The following TMEM132C variants were observed in gnomAD, a reference collection of about 807,000 sequenced individuals.
The protein encoded by TMEM132C is protein phosphatase 1, regulatory subunit 152.
A neutral mutation model predicts 61.4 loss-of-function variants in TMEM132C; 29 were observed. The observed-to-expected ratio is 0.47, with a 90% CI of 0.35 to 0.64. The LOEUF (loss-of-function observed/expected upper bound fraction) is 0.64, where lower values mean the gene tolerates loss of function less well. Among genes scored for constraint, TMEM132C ranks in the 30% least tolerant of loss-of-function variants. The pLI is 0.00. For missense variants in TMEM132C, 1,408 were observed against 1,476.9 expected, an observed-to-expected ratio of 0.95 and a Z score of 0.76; for synonymous variants, 656 against 633.1, an observed-to-expected ratio of 1.04 and a Z score of -0.54.
At chr12:128,361,711 C>T (rs1425223415) in intron 1 of TMEM132C, among the ~76,000 whole-genome samples, 3 of 151,520 alleles carry the variant, frequency 2.0e-5, no homozygotes, top group African/African-American at 7.3e-5. Flanking sequence ...GAGATGGAGA[C>T]CATGTGCTTT....
intron 2 of TMEM132C, among the ~76,000 whole-genome samples, chr12:128,542,083 C>T (rs981533461): frequency 1.3e-5 from 2 of 152,166 alleles, no homozygotes; most frequent in African/African-American, 4.8e-5. Flanking sequence ...TTTCAGTCCT[C>T]ATTCACTCCG....
chr12:128,566,735 G>A (rs541665581), intron 3 of TMEM132C, among the ~76,000 whole-genome samples: 37 of 152,314 alleles, frequency 2.4e-4, no homozygotes, highest in South Asian at 6.2e-4. Flanking sequence ...CACGTAGTTC[G>A]TACTGTATGG....
At chr12:128,339,616 G>A (rs1872893555) in intron 1 of TMEM132C, among the ~76,000 whole-genome samples, 2 of 151,294 alleles carry the variant, frequency 1.3e-5, no homozygotes, top group Admixed American at 6.6e-5. Context: ...CGTTGAGGGG[G>A]TCTTCATCTC....
At chr12:128,427,247 A>T (rs1349167123) in intron 2 of TMEM132C, among the ~76,000 whole-genome samples, 2 of 152,136 alleles carry the variant, frequency 1.3e-5, no homozygotes, top group Non-Finnish European at 2.9e-5. Context: ...CCTATTTCAA[A>T]AGCATTTTGA....
chr12:128,470,890 G>A (rs368782935), intron 2 of TMEM132C, among the ~76,000 whole-genome samples: 2 of 152,248 alleles, frequency 1.3e-5, no homozygotes, highest in East Asian at 3.9e-4. Flanking sequence ...CACATAATCG[G>A]CAGGCTGCTT....
intron 2 of TMEM132C, among the ~76,000 whole-genome samples, chr12:128,493,409 G>C (rs575854859): frequency 2.6e-5 from 4 of 152,112 alleles, no homozygotes; most frequent in African/African-American, 9.7e-5. Context: ...AGCTTGATGG[G>C]GATGGCATTG....
chr12:128,328,018 C>T (rs150738418), intron 1 of TMEM132C, among the ~76,000 whole-genome samples: 218 of 152,216 alleles, frequency 1.4e-3, no homozygotes, highest in African/African-American at 4.6e-3. Context: ...CTTGACCCCC[C>T]ACTTCCCGTT....
intron 2 of TMEM132C, among the ~76,000 whole-genome samples, chr12:128,439,801 A>C (rs1869721820): frequency 6.6e-6 from 1 of 152,104 alleles, no homozygotes; most frequent in Non-Finnish European, 1.5e-5. Flanking sequence ...CCCTACAGTA[A>C]GGGAAAGGCA....
At position 128,415,545 on chromosome 12, in the gene TMEM132C, C is replaced by A. The variant is rs943865302; in HGVS notation, c.899C>A (p.Pro300Gln). ...GTGGTCATCTGGCTGCCTTCCAGGC[C>A]AGTCAAGCAGGGAGAGGTGGTCACG... ...GNVVIWLPSR[P>Q]VKQGEVVTAY... The change falls in exon 2 of 9, where the codon CCA becomes CAA. Residue 300 changes from proline (P) to glutamine (Q), a missense_variant. Transcript: ENST00000435159. This position sits in a 1 kb window ranked among gnomAD's most constrained non-coding sequence, Gnocchi z 5.8. 5.2e-6 allele frequency: 8 copies of A among 1,551,194 alleles called. No homozygotes were observed. The Admixed American group carries it at 1.6e-4, about 30-fold the overall frequency.
intron 3 of TMEM132C, among the ~76,000 whole-genome samples, chr12:128,590,552 C>A (rs536215768): frequency 6.6e-6 from 1 of 152,164 alleles, no homozygotes; most frequent in Non-Finnish European, 1.5e-5. Flanking sequence ...GGGTCTCCCC[C>A]ACTGCCACCC....
chr12:128,622,660 C>A (rs974327783), intron 4 of TMEM132C, among the ~76,000 whole-genome samples: 1 of 151,914 alleles, frequency 6.6e-6, no homozygotes, highest in African/African-American at 2.4e-5. Context: ...GATGGCTTCA[C>A]TCTGCTCTGG....
chr12:128,514,721 G>A (rs986481467), intron 2 of TMEM132C, among the ~76,000 whole-genome samples: 3 of 152,126 alleles, frequency 2.0e-5, no homozygotes, highest in African/African-American at 4.8e-5. Flanking sequence ...TTGCAAAGAC[G>A]AGGCATTCAC....
intron 3 of TMEM132C, among the ~76,000 whole-genome samples, chr12:128,592,514 T>C (rs1875789226): frequency 6.6e-6 from 1 of 152,228 alleles, no homozygotes; most frequent in Non-Finnish European, 1.5e-5. Context: ...CAAAGCTGAC[T>C]TGGGACTAAC....
At chr12:128,691,235 A>G (rs1954717184) in intron 5 of TMEM132C, among the ~76,000 whole-genome samples, 1 of 152,250 alleles carries the variant, frequency 6.6e-6, no homozygotes, top group Admixed American at 6.5e-5. Flanking sequence ...TGAATGACCC[A>G]AGAAAGGTTA....
At chr12:128,449,580 C>G (rs567472910) in intron 2 of TMEM132C, among the ~76,000 whole-genome samples, 10 of 152,318 alleles carry the variant, frequency 6.6e-5, no homozygotes, top group East Asian at 1.9e-4. Flanking sequence ...CTGATGTTAT[C>G]ATAATTCCAT....
chr12:128,306,243 T>C (rs1176484010), intron 1 of TMEM132C, among the ~76,000 whole-genome samples: 2 of 149,974 alleles, frequency 1.3e-5, no homozygotes, highest in Non-Finnish European at 3.0e-5. Context: ...CTTGCTCCGT[T>C]GCCCAGGCTT....
At chr12:128,629,031 G>T (rs1302378925) in intron 4 of TMEM132C, among the ~76,000 whole-genome samples, 1 of 152,010 alleles carries the variant, frequency 6.6e-6, no homozygotes, top group Non-Finnish European at 1.5e-5. Flanking sequence ...AAAATATTTT[G>T]GAGGAAAAAA....
At position 128,669,742 on chromosome 12, in the gene TMEM132C, A is replaced by G. The variant is rs560235345; in HGVS notation, c.1449+182A>G. The stretch of plus-strand genomic sequence containing the variant: ...ATCTCTTTGTTTTCACATCATGCCA[A>G]CCTGGTTAGGGTTTTTGGTTCATTC... On this transcript the variant is annotated intron_variant, in intron 5 of 8. Coordinates refer to ENST00000435159, the MANE Select transcript of TMEM132C (RefSeq NM_001136103.3). Among the ~76,000 whole-genome samples, 3 of 152,274 alleles carry G rather than the reference A, an allele frequency of 2.0e-5. 1 individual carries two copies. The highest frequency in any genetic ancestry group is 1.3e-4 in the Admixed American group (2 of 15,288).
intron 2 of TMEM132C, among the ~76,000 whole-genome samples, chr12:128,448,880 A>G (rs115904946): frequency 0.014 from 2,081 of 152,146 alleles, 48 homozygotes; most frequent in African/African-American, 0.044. Context: ...GTCATATTTT[A>G]AAAATTAAGA....
Sources: allele counts gnomAD v4.1 joint callset (sites outside exome capture counted in the v4.1 genomes callset), GRCh38; gene constraint gnomAD v4.1.1; non-coding constraint Gnocchi (gnomAD v3.1); transcripts MANE v1.5; gene names NCBI Gene and HGNC (gene_info 2026-07-23, HGNC 2026-07-21).